Variants in ZCCHC4 observed in about 807,000 individuals in gnomAD.
ZCCHC4 encodes the protein rRNA N(6)-adenosine-methyltransferase ZCCHC4.
Under a neutral mutation model 67.7 loss-of-function variants are expected in ZCCHC4, and 54 were observed. The observed-to-expected ratio is 0.80, with a 90% CI of 0.64 to 1.00. The LOEUF (loss-of-function observed/expected upper bound fraction) is 1.00, where lower values mean the gene tolerates loss of function less well. Among genes scored for constraint, ZCCHC4 ranks in the 50% least tolerant of loss-of-function variants. The pLI is 0.00. For synonymous variants in ZCCHC4, 198 were observed against 213.5 expected, an observed-to-expected ratio of 0.93 and a Z score of 0.63; for missense variants, 609 against 617.0, an observed-to-expected ratio of 0.99 and a Z score of 0.14.
chr4:25,357,741 T>A (rs1439322989), intron 8 of ZCCHC4, among the ~76,000 whole-genome samples: 1 of 152,258 alleles, frequency 6.6e-6, no homozygotes, highest in Non-Finnish European at 1.5e-5. Flanking sequence ...CATAACTTAT[T>A]TGAATGTCAG....
chr4:25,365,854 G>A (rs780344608), intron 12 of ZCCHC4: 3 of 985,116 alleles, frequency 3.0e-6, no homozygotes, highest in South Asian at 4.7e-5. Context: ...TATTTTAACC[G>A]AGCTAATTTG....
At position 25,370,021 on chromosome 4, in the gene ZCCHC4, T is replaced by C. The variant is rs1158641972; in HGVS notation, c.*857T>C. On this transcript the variant is annotated 3_prime_UTR_variant, in exon 13 of 13. Transcript: ENST00000302874. ...CAGATTATAATTATAATTACATTAT[T>C]ATTAAATATTTATTCTTCAAGTACT... The C allele has an allele frequency of 6.6e-6, 1 of 152,200 alleles. No homozygotes were observed. Among genetic ancestry groups the C allele is most frequent in the African/African-American group, 2.4e-5 (1 of 41,466 alleles). The allele number at this position is 152,200 out of a possible 1,614,324, so 9.4% of individuals were successfully genotyped here.
intron 10 of ZCCHC4, 113 bp downstream of exon 10, chr4:25,362,414 T>A: frequency 1.8e-6 from 1 of 570,972 alleles, no homozygotes; most frequent in Non-Finnish European, 2.8e-6. Flanking sequence ...TATTAATATG[T>A]ATTATCATTT....
rs1304381001 is a variant in ZCCHC4, at chr4:25,365,283, T to C, written c.1406+117T>C. The C allele has an allele frequency of 2.7e-6, 4 of 1,501,314 alleles. No homozygotes were observed. In the African/African-American group the frequency reaches 5.6e-5, roughly 21 times the overall value. 93.0% of individuals were successfully genotyped at this position (1,501,314 alleles called of 1,614,324 possible). On this transcript the variant is annotated intron_variant, in intron 12 of 12. Coordinates refer to ENST00000302874, the MANE Select transcript of ZCCHC4 (RefSeq NM_024936.3). ...GTGCCAAGTTAATTGTCACTTTCAC[T>C]ATTAAGTACTGGCTGCATAGATGGA...
At chr4:25,324,421 G>A (rs1401996736) in intron 3 of ZCCHC4, among the ~76,000 whole-genome samples, 4 of 151,946 alleles carry the variant, frequency 2.6e-5, no homozygotes, top group Admixed American at 6.6e-5. Context: ...CTTTATTCAC[G>A]AATAATGTTC....
intron 3 of ZCCHC4, among the ~76,000 whole-genome samples, chr4:25,323,490 A>G (rs1260308063): frequency 6.6e-6 from 1 of 152,032 alleles, no homozygotes; most frequent in Admixed American, 6.6e-5. Context: ...TCTTTATGAT[A>G]TAGCACTTTT....
intron 3 of ZCCHC4, among the ~76,000 whole-genome samples, chr4:25,325,305 CTTTT>C: frequency 8.2e-6 from 1 of 122,502 alleles, no homozygotes. Flanking sequence ...TTCACTCTCT[CTTTT>C]TTTTTTTTTT....
intron 3 of ZCCHC4, among the ~76,000 whole-genome samples, chr4:25,324,668 T>A (rs2109055425): frequency 6.6e-6 from 1 of 152,380 alleles, no homozygotes; most frequent in African/African-American, 2.4e-5. Flanking sequence ...TACATTCCTA[T>A]CAGCAACGTA....
intron 5 of ZCCHC4, among the ~76,000 whole-genome samples, chr4:25,342,272 A>C (rs534929196): frequency 4.6e-5 from 7 of 152,142 alleles, no homozygotes; most frequent in South Asian, 2.1e-4. Context: ...AAATCAGAAA[A>C]AAAATTCTGC....
At chr4:25,350,878 G>A (rs1391362000) in intron 7 of ZCCHC4, among the ~76,000 whole-genome samples, 1 of 152,116 alleles carries the variant, frequency 6.6e-6, no homozygotes, top group Non-Finnish European at 1.5e-5. Context: ...ATAGCTTATG[G>A]CTTCAGTTTC....
chr4:25,352,574 A>G (rs1720351475), intron 8 of ZCCHC4: 2 of 209,698 alleles, frequency 9.5e-6, no homozygotes, highest in Middle Eastern at 2.2e-3. Context: ...ATGGCCACCT[A>G]ATTTTTTTCC....
chr4:25,333,720 T>C (rs551205001), intron 4 of ZCCHC4, among the ~76,000 whole-genome samples, 188 bp from the exon 5 acceptor site: 1 of 152,350 alleles, frequency 6.6e-6, no homozygotes, highest in East Asian at 1.9e-4. Flanking sequence ...CCTCTCTGTT[T>C]CAGATAAGTT....
chr4:25,341,434 A>G (rs1218656756), intron 5 of ZCCHC4, among the ~76,000 whole-genome samples: 2 of 152,032 alleles, frequency 1.3e-5, no homozygotes, highest in African/African-American at 4.8e-5. Flanking sequence ...TGGTTGTTTA[A>G]AGAGCTTGGC....
At chr4:25,335,825 A>C (rs2109067430) in intron 5 of ZCCHC4, among the ~76,000 whole-genome samples, 1 of 152,278 alleles carries the variant, frequency 6.6e-6, no homozygotes, top group South Asian at 2.1e-4. Flanking sequence ...GTCAACTCTA[A>C]GTTGTCTGAC....
At chr4:25,354,229 G>T (rs570654936) in intron 8 of ZCCHC4, among the ~76,000 whole-genome samples, 138 of 152,258 alleles carry the variant, frequency 9.1e-4, no homozygotes, top group Non-Finnish European at 1.5e-3. Flanking sequence ...CACTTGTTAG[G>T]CAGTCTGTGT....
chr4:25,343,042 T>C (rs1719831856), intron 5 of ZCCHC4, among the ~76,000 whole-genome samples: 1 of 152,216 alleles, frequency 6.6e-6, no homozygotes, highest in Non-Finnish European at 1.5e-5. Flanking sequence ...TGGTCGTACT[T>C]ATAAAGCAGT....
intron 3 of ZCCHC4, among the ~76,000 whole-genome samples, chr4:25,332,955 T>C (rs1244766086): frequency 6.6e-6 from 1 of 152,218 alleles, no homozygotes; most frequent in African/African-American, 2.4e-5. Context: ...AGTGACTAAA[T>C]TGGAGTGTCT....
chr4:25,330,911 A>G (rs1358177011), intron 3 of ZCCHC4, among the ~76,000 whole-genome samples: 1 of 152,140 alleles, frequency 6.6e-6, no homozygotes, highest in African/African-American at 2.4e-5. Context: ...ACTCAGCCGA[A>G]GACTCGAGGG....
At chr4:25,349,460 C>G (rs898041835) in intron 6 of ZCCHC4, 32 bp from the exon 7 acceptor site, 3 of 1,608,628 alleles carry the variant, frequency 1.9e-6, no homozygotes, top group Admixed American at 1.7e-5. Flanking sequence ...CTCTCTAGTC[C>G]TAATTTAGAA....
Sources: gnomAD v4.1 joint callset for allele counts (sites outside exome capture counted in the v4.1 genomes callset) on GRCh38, gnomAD v4.1.1 for gene constraint, MANE v1.5 for transcripts, NCBI Gene and HGNC (gene_info 2026-07-23, HGNC 2026-07-21) for gene names.